Variants in DENND2D observed in about 807,000 individuals in gnomAD.
DENND2D encodes the protein DENN domain containing 2D.
Under a neutral mutation model 59.8 loss-of-function variants are expected in DENND2D, and 37 were observed. The ratio of observed to expected loss-of-function variants is 0.62; its 90% CI spans 0.48 to 0.81. The LOEUF is 0.81. DENND2D is among the 40% of genes least tolerant of loss of function. The probability of loss-of-function intolerance (pLI) is 0.00; values close to 1 mark genes in which losing one functional copy is unlikely to be tolerated. For missense variants in DENND2D, 525 were observed against 579.7 expected (o/e 0.91, Z 0.97); for synonymous variants, 219 against 211.3 (o/e 1.04, Z -0.31).
At chr1:111,192,453 T>C in intron 7 of DENND2D, 136 bp from the exon 8 acceptor site, 2 of 916,792 alleles carry the variant, frequency 2.2e-6, no homozygotes, top group Non-Finnish European at 3.0e-6. Flanking sequence ...CTGGGGGCCA[T>C]GCTGGTCACA....
At chr1:111,197,497 A>G in intron 4 of DENND2D, 1 of 1,408,418 alleles carries the variant, frequency 7.1e-7, no homozygotes, top group Non-Finnish European at 9.2e-7. Context: ...AAAGAGGGGT[A>G]GCAAGTGTGC....
At chr1:111,188,595 G>C (rs1352174858) in intron 10 of DENND2D, 107 bp downstream of exon 10, 1 of 1,222,248 alleles carries the variant, frequency 8.2e-7, no homozygotes, top group Non-Finnish European at 1.2e-6. Flanking sequence ...GGCCTCTAGG[G>C]CTGGTCTAGG....
In DENND2D at chr1:111,199,693, A is replaced by G. The variant is rs756068222; in HGVS notation, c.173T>C (p.Leu58Pro). 1 of 1,614,158 alleles carries G rather than the reference A, an allele frequency of 6.2e-7. No individual in the cohort carries two copies. The highest frequency in any genetic ancestry group is 1.7e-5 in the Admixed American group (1 of 60,030). The change falls in exon 2 of 12, where the codon CTT (leucine) becomes CCT (proline). Residue 58 changes from leucine to proline, a missense_variant. Around this residue, in one of 3 missense-constraint regions of DENND2D, gnomAD observed 253 missense variants for 246.4 expected, o/e 1.03. Transcript: ENST00000357640. ...AGGQHFFEYL[L>P]VVSLKKKRSE... ...ACGCTTCTTTTTGAGAGAAACCACAAGAAGGTATTCAAAGAAGTGCTGCCC... is the reference window on the plus strand; with the variant it reads ...ACGCTTCTTTTTGAGAGAAACCACAGGAAGGTATTCAAAGAAGTGCTGCCC...
intron 2 of DENND2D, 113 bp downstream of exon 2, chr1:111,199,510 A>G: frequency 8.2e-7 from 1 of 1,220,516 alleles, no homozygotes; most frequent in East Asian, 2.3e-5. Flanking sequence ...AGCTCAGGGC[A>G]GCTCCAGGCT....
At chr1:111,195,530 T>G in intron 6 of DENND2D, 8 of 202,992 alleles carry the variant, frequency 3.9e-5, no homozygotes, top group Admixed American at 5.4e-5. Flanking sequence ...GAGGTGGGGA[T>G]GGATGATAAG....
chr1:111,199,215 C>T (rs1003025453), intron 2 of DENND2D, among the ~76,000 whole-genome samples: 1 of 152,212 alleles, frequency 6.6e-6, no homozygotes, highest in African/African-American at 2.4e-5. Context: ...AGGGCTGTGC[C>T]TGCCCACCAG....
At chr1:111,194,131 C>T (rs1301879483) in intron 7 of DENND2D, among the ~76,000 whole-genome samples, 1 of 152,222 alleles carries the variant, frequency 6.6e-6, no homozygotes, top group Non-Finnish European at 1.5e-5. Flanking sequence ...TATGTAATTC[C>T]GCATCCCCTT....
At chr1:111,198,559 C>T (rs1227480305) in intron 3 of DENND2D, 71 bp downstream of exon 3, 6 of 1,448,368 alleles carry the variant, frequency 4.1e-6, no homozygotes, top group Non-Finnish European at 5.8e-6. Flanking sequence ...AGGGAGGCTA[C>T]AGGAGCCACA....
intron 5 of DENND2D, 180 bp downstream of exon 5, chr1:111,196,996 C>A (rs1658293090): frequency 8.9e-6 from 6 of 671,534 alleles, no homozygotes; most frequent in Admixed American, 2.7e-5. Context: ...CCCCTAGATT[C>A]AATTTCCACT....
At chr1:111,200,679 C>G, upstream of DENND2D, 1 of 1,328,408 alleles carries the variant, frequency 7.5e-7, no homozygotes, top group Non-Finnish European at 9.7e-7. Context: ...GAAGCCAGCA[C>G]CAACAGAGTC....
intron 11 of DENND2D, 150 bp downstream of exon 11, chr1:111,187,981 G>A (rs1386542327): frequency 3.3e-6 from 4 of 1,228,506 alleles, no homozygotes; most frequent in South Asian, 1.6e-5. Context: ...ATTTTCTTAG[G>A]TTTCAGGTTA....
rs554009989 is a variant in DENND2D, at chr1:111,190,909, G to C, written c.972+1231C>G. On this transcript the variant is annotated intron_variant, in intron 8 of 11. Transcript: ENST00000357640. Reference sequence around the variant, plus strand: ...GGAAGACTGTTCCTTTGAGGGATTGGGGGGAGAGAGTGTGTATAAATAATT... The same window carrying C: ...GGAAGACTGTTCCTTTGAGGGATTGCGGGGAGAGAGTGTGTATAAATAATT... 4.0e-4 allele frequency among the ~76,000 whole-genome samples: 61 copies of C among 152,238 alleles called. 1 individual carries two copies. Among genetic ancestry groups the C allele is most frequent in the Admixed American group, 1.8e-3 (27 of 15,300 alleles).
Position 111,200,507 on chromosome 1 carries a change from C to T in DENND2D, c.-48G>A. On this transcript the variant is annotated 5_prime_UTR_variant, in exon 1 of 12. Transcript: ENST00000357640. ...GGACTCCCCTCTCCCCTAACACAGACAGACTGGTGACAGTAAGCCTGAGAA... is the reference window on the plus strand; with the variant it reads ...GGACTCCCCTCTCCCCTAACACAGATAGACTGGTGACAGTAAGCCTGAGAA... 3.2e-6 allele frequency: 5 copies of T among 1,572,438 alleles called. No homozygotes were observed. Among genetic ancestry groups the T allele is most frequent in the Non-Finnish European group, 4.3e-6 (5 of 1,158,564 alleles).
intron 7 of DENND2D, 21 bp from the exon 8 acceptor site, chr1:111,192,338 T>G (rs930065623): frequency 9.7e-6 from 15 of 1,553,156 alleles, no homozygotes; most frequent in Non-Finnish European, 1.3e-5. Context: ...GCACAGAGGA[T>G]GAGAGTCAGG....
At chr1:111,190,150 C>T (rs1657625116) in intron 8 of DENND2D, among the ~76,000 whole-genome samples, 2 of 103,816 alleles carry the variant, frequency 1.9e-5, no homozygotes, top group Middle Eastern at 5.9e-3. Context: ...GGCGACACAG[C>T]GAGACTCTGT....
intron 4 of DENND2D, 178 bp from the exon 5 acceptor site, chr1:111,197,431 G>C: frequency 7.0e-7 from 1 of 1,438,216 alleles, no homozygotes; most frequent in Non-Finnish European, 9.1e-7. Context: ...GAGGGTACTG[G>C]GTGAGTTGGT....
chr1:111,201,137 C>G (rs1006641858), upstream of DENND2D: 4 of 153,058 alleles, frequency 2.6e-5, no homozygotes, highest in African/African-American at 9.7e-5. Flanking sequence ...TAATAATTAT[C>G]CAAATAGATT....
Position 111,200,579 on chromosome 1 carries a change from G to C in DENND2D, c.-120C>G, listed in dbSNP as rs189412387. 19 of 1,505,966 alleles carry C rather than the reference G, an allele frequency of 1.3e-5. No individual in the cohort carries two copies. In the African/African-American group the frequency reaches 2.1e-4, roughly 17 times the overall value. 93.3% of individuals were successfully genotyped at this position (1,505,966 alleles called of 1,614,324 possible). A position where few individuals can be genotyped will look rare whatever the true frequency, so the allele number is the denominator to read the frequency against. On this transcript the variant is annotated 5_prime_UTR_variant, in exon 1 of 12. Transcript: ENST00000357640. ...CCACAACTCTGTGAAGCCAAGCCAC[G>C]CGCTGTCTTCCAGAGAGGGAATAGA...
At chr1:111,199,247 T>C (rs887168769) in intron 2 of DENND2D, among the ~76,000 whole-genome samples, 2 of 152,180 alleles carry the variant, frequency 1.3e-5, no homozygotes, top group African/African-American at 4.8e-5. Flanking sequence ...CCCCACTCTT[T>C]CCTTCCCACA....
Sources: allele counts gnomAD v4.1 joint callset (sites outside exome capture counted in the v4.1 genomes callset), GRCh38; gene constraint gnomAD v4.1.1; regional missense constraint gnomAD v4.1.1; transcripts MANE v1.5; gene names NCBI Gene and HGNC (gene_info 2026-07-23, HGNC 2026-07-21).